Variants in TXNRD2 observed in about 807,000 individuals in gnomAD.
TXNRD2 encodes thioredoxin reductase 2.
In TXNRD2, 67 loss-of-function variants were observed where a neutral mutation model predicts 70.8. That is an observed-to-expected ratio of 0.95 (90% CI 0.78 to 1.16). The LOEUF (loss-of-function observed/expected upper bound fraction) is 1.16, where lower values mean the gene tolerates loss of function less well. Among genes scored for constraint, TXNRD2 ranks in the 50% most tolerant of loss-of-function variants. The pLI is 0.00. For missense variants in TXNRD2, 644 were observed against 719.9 expected, an observed-to-expected ratio of 0.89 and a Z score of 1.21; for synonymous variants, 301 against 295.8, an observed-to-expected ratio of 1.02 and a Z score of -0.18.
intron 8 of TXNRD2, chr22:19,911,113 T>C (rs965315113): frequency 1.9e-6 from 1 of 534,726 alleles, no homozygotes; most frequent in Non-Finnish European, 3.4e-6. Flanking sequence ...CAGATTTTTG[T>C]AGAGTAGAGG....
chr22:19,933,800 C>T (rs1941449608), intron 1 of TXNRD2, among the ~76,000 whole-genome samples: 1 of 152,242 alleles, frequency 6.6e-6, no homozygotes, highest in African/African-American at 2.4e-5. Context: ...GACACACCAC[C>T]TGTGCACTCC....
At position 19,895,569 on chromosome 22, in the gene TXNRD2, T is replaced by C. The variant is rs1280365414; in HGVS notation, c.787A>G (p.Met263Val). Reference protein sequence around the residue: ...LRGFDQQMSSMVIEHMASHGT... With the variant: ...LRGFDQQMSSVVIEHMASHGT... ...TGAGATGCCATGTGCTCTATGACCA[T>C]GGAGGACATTTGCTGCAAAGCACAA... The change falls in exon 11 of 18, where the codon ATG becomes GTG. Residue 263 changes from methionine to valine, a missense_variant. Physicochemically the swap from Met to Val is conservative, Grantham distance 21. Coordinates refer to ENST00000400521, the MANE Select transcript of TXNRD2 (RefSeq NM_006440.5). 6.8e-6 allele frequency: 11 copies of C among 1,611,730 alleles called. No homozygotes were observed. Among genetic ancestry groups the C allele is most frequent in the African/African-American group, 1.3e-5 (1 of 74,924 alleles).
chr22:19,932,574 A>T, intron 1 of TXNRD2: 1 of 1,465,592 alleles, frequency 6.8e-7, no homozygotes, highest in South Asian at 1.3e-5. Flanking sequence ...ACCAGGCACC[A>T]GCCAACTCCC....
intron 1 of TXNRD2, among the ~76,000 whole-genome samples, chr22:19,940,199 C>T (rs563613884): frequency 9.2e-5 from 13 of 141,080 alleles, no homozygotes; most frequent in African/African-American, 2.4e-4. Context: ...GAGCTGAGAT[C>T]GCACCACTGT....
chr22:19,904,229 G>GGAGTTTTCT (rs1403866500), intron 8 of TXNRD2, among the ~76,000 whole-genome samples: 2 of 151,650 alleles, frequency 1.3e-5, no homozygotes, highest in African/African-American at 2.4e-5. Flanking sequence ...TGCTTTTTCA[G>GGAGTTTTCT]GAGTTTTCTG....
intron 15 of TXNRD2, 79 bp from the exon 16 acceptor site, chr22:19,878,266 T>TG: frequency 6.3e-7 from 1 of 1,585,282 alleles, no homozygotes; most frequent in Non-Finnish European, 8.7e-7. Context: ...GCACCCTGCC[T>TG]GGGAGGCATG....
At chr22:19,883,512 T>C (rs1318765750) in intron 11 of TXNRD2, 51 bp from the exon 12 acceptor site, 2 of 1,612,484 alleles carry the variant, frequency 1.2e-6, no homozygotes, top group Non-Finnish European at 8.5e-7. Flanking sequence ...GGCTTTGACC[T>C]AGAGCGGTTG....
At chr22:19,878,268 G>A in intron 15 of TXNRD2, 81 bp from the exon 16 acceptor site, 9 of 1,587,022 alleles carry the variant, frequency 5.7e-6, no homozygotes, top group Non-Finnish European at 7.8e-6. Flanking sequence ...ACCCTGCCTG[G>A]GAGGCATGGG....
At chr22:19,909,205 CA>C (rs199938429) in intron 8 of TXNRD2, among the ~76,000 whole-genome samples, 3,263 of 73,736 alleles carry the variant, frequency 0.044, 59 homozygotes, top group African/African-American at 0.093. Flanking sequence ...GACTCTGTTT[CA>C]AAAAAAAAAA....
At chr22:19,875,932 A>G (rs1938485341) in intron 17 of TXNRD2, 125 bp from the exon 18 acceptor site, 2 of 152,214 alleles carry the variant, frequency 1.3e-5, no homozygotes, top group Non-Finnish European at 2.9e-5. Context: ...CCAGCAGAGA[A>G]TGGCCCCACC....
chr22:19,879,069 T>C (rs1340130501), intron 14 of TXNRD2, among the ~76,000 whole-genome samples: 1 of 152,150 alleles, frequency 6.6e-6, no homozygotes, highest in African/African-American at 2.4e-5. Flanking sequence ...ACAAACAGAG[T>C]ATTTGGCCAT....
chr22:19,895,621 C>T (rs760992249), intron 10 of TXNRD2, 40 bp from the exon 11 acceptor site: 8 of 1,602,182 alleles, frequency 5.0e-6, no homozygotes, highest in Non-Finnish European at 6.8e-6. Context: ...GACCAGGTGG[C>T]CGTGGGAGAG....
chr22:19,902,911 GA>G, intron 8 of TXNRD2: 2 of 517,892 alleles, frequency 3.9e-6, no homozygotes, highest in South Asian at 2.8e-5. Flanking sequence ...TGCTTAGGAA[GA>G]GAGAAAAATG....
intron 11 of TXNRD2, 145 bp from the exon 12 acceptor site, chr22:19,883,606 G>T: frequency 1.7e-6 from 2 of 1,189,572 alleles, no homozygotes; most frequent in South Asian, 2.5e-5. Context: ...AGGAGGACGA[G>T]GTGGGCAAAT....
At chr22:19,894,682 A>G (rs1468597141) in intron 11 of TXNRD2, 1 of 190,478 alleles carries the variant, frequency 5.2e-6, no homozygotes, top group Non-Finnish European at 1.1e-5. Flanking sequence ...CAAAACATTT[A>G]ATATGCTAAA....
At chr22:19,917,355 A>G (rs1940683722) in intron 5 of TXNRD2, among the ~76,000 whole-genome samples, 1 of 152,094 alleles carries the variant, frequency 6.6e-6, no homozygotes, top group Non-Finnish European at 1.5e-5. Context: ...TGGATAGGGG[A>G]GAGCTTGTGA....
chr22:19,899,212 G>A (rs764414921), intron 8 of TXNRD2, 144 bp from the exon 9 acceptor site: 63 of 1,042,710 alleles, frequency 6.0e-5, no homozygotes, highest in Non-Finnish European at 8.2e-5. Flanking sequence ...CTTGCCCCAG[G>A]GGACAAAGCC....
intron 2 of TXNRD2, among the ~76,000 whole-genome samples, chr22:19,923,042 T>C (rs1940977579): frequency 2.0e-5 from 3 of 152,168 alleles, no homozygotes; most frequent in South Asian, 4.1e-4. Flanking sequence ...TTGAGTCTCC[T>C]TCATAACATC....
intron 16 of TXNRD2, 108 bp from the exon 17 acceptor site, chr22:19,877,342 T>C: frequency 9.6e-7 from 1 of 1,041,026 alleles, no homozygotes; most frequent in South Asian, 1.5e-5. Context: ...GTCTCCTCAC[T>C]GTCCCCTGAC....
Sources: allele counts gnomAD v4.1 joint callset (sites outside exome capture counted in the v4.1 genomes callset), GRCh38; gene constraint gnomAD v4.1.1; transcripts MANE v1.5; gene names NCBI Gene and HGNC (gene_info 2026-07-23, HGNC 2026-07-21).